Variants in RTL4 observed in about 807,000 individuals in gnomAD.
The protein encoded by RTL4 is retrotransposon Gag-like protein 4.
In RTL4, 4 loss-of-function variants were observed where a neutral mutation model predicts 5.3. The observed-to-expected ratio is 0.75, with a 90% CI of 0.37 to 1.72. The LOEUF (loss-of-function observed/expected upper bound fraction) is 1.72. Ranked by LOEUF, RTL4 falls within the 40% of genes most tolerant of loss-of-function variation. The probability of loss-of-function intolerance (pLI) is 0.04; values close to 1 mark genes in which losing one functional copy is unlikely to be tolerated. For missense variants in RTL4, 260 were observed against 227.1 expected, an observed-to-expected ratio of 1.14 and a Z score of -0.93; for synonymous variants, 98 against 87.3, an observed-to-expected ratio of 1.12 and a Z score of -0.68.
the RTL4 span, among the ~76,000 whole-genome samples, chrX:112,392,130 G>C: frequency 8.9e-6 from 1 of 111,805 alleles, no homozygotes; most frequent in Non-Finnish European, 1.9e-5. Flanking sequence ...ATTAGTCTGA[G>C]GGTAGCAAGG....
chrX:112,101,949 C>A, the RTL4 span, among the ~76,000 whole-genome samples: 13 of 110,236 alleles, frequency 1.2e-4, no homozygotes, highest in Non-Finnish European at 2.3e-4. Context: ...AAGAAAGAAC[C>A]CTTCCCCTAC....
At chrX:112,296,154 C>T in the RTL4 span, among the ~76,000 whole-genome samples, 3 of 110,650 alleles carry the variant, frequency 2.7e-5, no homozygotes, top group African/African-American at 9.9e-5. Context: ...ATCCTTCCTT[C>T]CTCTCTATCC....
chrX:112,120,268 TTTTGTTTG>T, the RTL4 span, among the ~76,000 whole-genome samples: 14 of 111,191 alleles, frequency 1.3e-4, no homozygotes, highest in Admixed American at 1.3e-3. Flanking sequence ...AAACTTAAGG[TTTTGTTTG>T]TTTGTTTGTT....
the RTL4 span, among the ~76,000 whole-genome samples, chrX:112,390,714 A>G: frequency 4.1e-4 from 45 of 110,719 alleles, no homozygotes; most frequent in African/African-American, 1.4e-3. Flanking sequence ...TCCCTTTGTC[A>G]GTGACCTGTC....
the RTL4 span, among the ~76,000 whole-genome samples, chrX:112,273,600 T>C: frequency 9.0e-6 from 1 of 111,221 alleles, no homozygotes; most frequent in Non-Finnish European, 1.9e-5. Flanking sequence ...CAGCACAGAG[T>C]CTGGCAAGTA....
chrX:112,238,070 G>T, the RTL4 span, among the ~76,000 whole-genome samples: 3 of 111,725 alleles, frequency 2.7e-5, no homozygotes, highest in Non-Finnish European at 5.6e-5. Flanking sequence ...ATACAGAAAA[G>T]TGCAAAGAAC....
chrX:112,341,244 T>C, the RTL4 span, among the ~76,000 whole-genome samples: 1 of 110,715 alleles, frequency 9.0e-6, no homozygotes, highest in South Asian at 3.8e-4. Flanking sequence ...GAAGGTTGAC[T>C]CAAAAGACTC....
At chrX:112,088,067 T>A in the RTL4 span, among the ~76,000 whole-genome samples, 1 of 107,614 alleles carries the variant, frequency 9.3e-6, no homozygotes, top group African/African-American at 3.4e-5. Context: ...TCCAGGCACG[T>A]CTCAAACTCC....
At chrX:112,413,904 C>G in the RTL4 span, among the ~76,000 whole-genome samples, 5,604 of 110,457 alleles carry the variant, frequency 0.051, 135 homozygotes, top group African/African-American at 0.08. Flanking sequence ...TCCCATTTAC[C>G]CTGATGTGAT....
At chrX:112,287,705 G>A in the RTL4 span, among the ~76,000 whole-genome samples, 2 of 110,606 alleles carry the variant, frequency 1.8e-5, no homozygotes, top group African/African-American at 6.7e-5. Flanking sequence ...AAGACGGACA[G>A]CCAGCAAATT....
chrX:112,356,883 G>C, the RTL4 span, among the ~76,000 whole-genome samples: 1 of 111,146 alleles, frequency 9.0e-6, no homozygotes, highest in Admixed American at 9.6e-5. Flanking sequence ...ATTGTCCTTT[G>C]ACCAGGGACC....
the RTL4 span, among the ~76,000 whole-genome samples, chrX:112,299,487 AT>A: frequency 8.9e-6 from 1 of 112,238 alleles, no homozygotes; most frequent in Non-Finnish European, 1.9e-5. Context: ...TTTTACCACA[AT>A]TTTTTAAAGT....
the RTL4 span, among the ~76,000 whole-genome samples, chrX:112,349,030 G>A: frequency 2.4e-4 from 27 of 110,910 alleles, no homozygotes; most frequent in African/African-American, 8.8e-4. Context: ...TTTTAGAAAT[G>A]AGGAAGTTGA....
chrX:112,169,315 T>C, the RTL4 span, among the ~76,000 whole-genome samples: 2 of 109,100 alleles, frequency 1.8e-5, no homozygotes, highest in Non-Finnish European at 3.8e-5. Context: ...GGTTTCTCCA[T>C]GTTTGTCAGG....
the RTL4 span, among the ~76,000 whole-genome samples, chrX:112,341,683 A>G: frequency 8.9e-6 from 1 of 111,879 alleles, no homozygotes; most frequent in Admixed American, 9.5e-5. Context: ...CCAGTTCCTT[A>G]TAAGATTCCA....
chrX:112,156,885 G>C, the RTL4 span, among the ~76,000 whole-genome samples: 1 of 111,396 alleles, frequency 9.0e-6, no homozygotes, highest in Non-Finnish European at 1.9e-5. Flanking sequence ...GGAGGGTGGA[G>C]ACTGGGGTGT....
At chrX:112,105,624 C>T in the RTL4 span, among the ~76,000 whole-genome samples, 5 of 110,618 alleles carry the variant, frequency 4.5e-5, no homozygotes, top group Non-Finnish European at 7.6e-5. Context: ...ACATTGATTC[C>T]TAAATTTATT....
chrX:112,181,075 G>T, the RTL4 span, among the ~76,000 whole-genome samples: 1 of 111,166 alleles, frequency 9.0e-6, no homozygotes, highest in Non-Finnish European at 1.9e-5. Flanking sequence ...GAAGTGCAAG[G>T]CGTCAGGGAA....
the RTL4 span, among the ~76,000 whole-genome samples, chrX:112,098,923 T>C: frequency 8.9e-6 from 1 of 112,008 alleles, no homozygotes; most frequent in African/African-American, 3.2e-5. Context: ...CCTAAAACCA[T>C]AAAAACACTA....
Sources: allele counts gnomAD v4.1 joint callset (sites outside exome capture counted in the v4.1 genomes callset), GRCh38; gene constraint gnomAD v4.1.1; transcripts MANE v1.5; gene names NCBI Gene and HGNC (gene_info 2026-07-23, HGNC 2026-07-21).